SMYD3: variants seen among roughly 807,000 people sequenced by gnomAD.
The protein encoded by SMYD3 is histone-lysine N-methyltransferase SMYD3.
SMYD3 carries 36 observed loss-of-function variants against 57.7 expected under a neutral mutation model. The ratio of observed to expected loss-of-function variants is 0.62; its 90% CI spans 0.48 to 0.82. The LOEUF (loss-of-function observed/expected upper bound fraction) is 0.82. Ranked by LOEUF, SMYD3 falls within the 40% of genes least tolerant of loss-of-function variation. The pLI is 0.00. For synonymous variants in SMYD3, 211 were observed against 195.0 expected (o/e 1.08, Z -0.68); for missense variants, 515 against 538.8 (o/e 0.96, Z 0.44).
intron 5 of SMYD3, among the ~76,000 whole-genome samples, chr1:246,264,821 T>C (rs1005769095): frequency 6.6e-6 from 1 of 152,206 alleles, no homozygotes; most frequent in African/African-American, 2.4e-5. Flanking sequence ...GTGGGGATAG[T>C]GACAACAATA....
intron 5 of SMYD3, among the ~76,000 whole-genome samples, chr1:245,945,554 G>T (rs2057403529): frequency 6.6e-6 from 1 of 152,162 alleles, no homozygotes; most frequent in Non-Finnish European, 1.5e-5. Context: ...GTGCAAGAGT[G>T]TGGCAATTCC....
intron 5 of SMYD3, among the ~76,000 whole-genome samples, chr1:245,957,928 A>G (rs2147974795): frequency 6.6e-6 from 1 of 152,338 alleles, no homozygotes; most frequent in South Asian, 2.1e-4. Context: ...TTAAAAAATG[A>G]CAGAATTCTT....
chr1:245,806,541 G>A (rs1436053186), intron 10 of SMYD3, among the ~76,000 whole-genome samples: 2 of 152,154 alleles, frequency 1.3e-5, no homozygotes, highest in African/African-American at 4.8e-5. Flanking sequence ...TATATTGCAG[G>A]AACTTGGCCC....
chr1:245,970,122 G>A (rs574726534), intron 5 of SMYD3, among the ~76,000 whole-genome samples: 6 of 152,210 alleles, frequency 3.9e-5, no homozygotes, highest in Non-Finnish European at 7.4e-5. Context: ...ACGTATAGAC[G>A]AATGGAACAG....
At chr1:245,973,635 GAA>G (rs1553377205) in intron 5 of SMYD3, among the ~76,000 whole-genome samples, 1 of 152,214 alleles carries the variant, frequency 6.6e-6, no homozygotes, top group Non-Finnish European at 1.5e-5. Context: ...TTTTCTCAGC[GAA>G]AAGAGTTCTA....
intron 5 of SMYD3, among the ~76,000 whole-genome samples, chr1:246,032,813 C>A (rs1045215008): frequency 8.5e-5 from 13 of 152,142 alleles, no homozygotes; most frequent in Non-Finnish European, 1.8e-4. Flanking sequence ...TTAGCAGAGT[C>A]CTCACTGGAA....
rs112012738 is a variant in SMYD3 at position 245,806,916 on chromosome 1, C to CAAAAAAAAAAAA, written c.1077-42779_1077-42768dup. 8.7e-4 allele frequency among the ~76,000 whole-genome samples: 36 copies of CAAAAAAAAAAAA among 41,326 alleles called. 1 individual carries two copies. The highest frequency in any genetic ancestry group is 3.2e-3 in the East Asian group (3 of 946). 27.1% of individuals were successfully genotyped at this position (41,326 alleles called of 152,430 possible). ...TGGGCGACAGAGCGAGACTCCGTCT[C>CAAAAAAAAAAAA]AAAAAAAAAAAAAAAAAAAAAAAAA... On this transcript the variant is annotated intron_variant, in intron 10 of 11. Transcript: ENST00000490107.
chr1:245,788,754 A>T (rs2047149410), intron 10 of SMYD3: 1 of 152,156 alleles, frequency 6.6e-6, no homozygotes, highest in Admixed American at 6.6e-5. Flanking sequence ...CATGCCCACC[A>T]TCCCCACTCC....
At chr1:246,357,474 A>G (rs2065926262) in intron 1 of SMYD3, among the ~76,000 whole-genome samples, 1 of 152,196 alleles carries the variant, frequency 6.6e-6, no homozygotes, top group Non-Finnish European at 1.5e-5. Flanking sequence ...AGAAATAACC[A>G]TAAACATGGA....
At position 246,029,733 on chromosome 1, in the gene SMYD3, T is replaced by G. The variant is rs549416461; in HGVS notation, c.532-99796A>C. ...AAAATATGCAAATGGCCAGCAAATA[T>G]ATGAAAAAATGTTCAACATCACTAA... is the stretch of plus-strand genomic sequence containing the variant. On this transcript the variant is annotated intron_variant, in intron 5 of 11. Coordinates refer to ENST00000490107, the MANE Select transcript of SMYD3 (RefSeq NM_001167740.2). 2.8e-5 allele frequency among the ~76,000 whole-genome samples: 4 copies of G among 144,338 alleles called. No individual in the cohort carries two copies. In the South Asian group the frequency reaches 9.1e-4, roughly 33 times the overall value. The allele number at this position is 144,338 out of a possible 152,430, so 94.7% of individuals were successfully genotyped here. A position where few individuals can be genotyped will look rare whatever the true frequency, so the allele number is the denominator to read the frequency against.
intron 5 of SMYD3, among the ~76,000 whole-genome samples, chr1:246,043,746 C>T (rs7528961): frequency 1 from 152,370 of 152,384 alleles, 76,178 homozygotes; most frequent in Non-Finnish European, 1. Context: ...TCAAGCACAA[C>T]AGAAAGTAAT....
chr1:246,397,529 A>T (rs954548604), intron 1 of SMYD3, among the ~76,000 whole-genome samples: 1 of 152,210 alleles, frequency 6.6e-6, no homozygotes. Context: ...CCATCATGGA[A>T]AAAAACAAAT....
intron 1 of SMYD3, among the ~76,000 whole-genome samples, chr1:246,442,748 A>C (rs2067489131): frequency 6.6e-6 from 1 of 152,190 alleles, no homozygotes; most frequent in South Asian, 2.1e-4. Flanking sequence ...TTTATGAATA[A>C]GTGAAGCAGA....
chr1:245,762,898 G>A (rs1312215935), intron 11 of SMYD3, among the ~76,000 whole-genome samples: 2 of 152,172 alleles, frequency 1.3e-5, no homozygotes, highest in Non-Finnish European at 2.9e-5. Flanking sequence ...AGAGGGTCCT[G>A]TTAAAGTGTC....
chr1:246,055,900 T>C (rs1184613520), intron 5 of SMYD3, among the ~76,000 whole-genome samples: 3 of 152,182 alleles, frequency 2.0e-5, no homozygotes, highest in Non-Finnish European at 4.4e-5. Context: ...GTTTCAGTTC[T>C]GGATGATGAA....
chr1:246,085,593 T>C (rs1210481505), intron 5 of SMYD3, among the ~76,000 whole-genome samples: 1 of 152,078 alleles, frequency 6.6e-6, no homozygotes, highest in Non-Finnish European at 1.5e-5. Context: ...TTACTAAGCA[T>C]CCTCCAGTTT....
chr1:246,161,008 T>C (rs1188659797), intron 5 of SMYD3, among the ~76,000 whole-genome samples: 1 of 152,176 alleles, frequency 6.6e-6, no homozygotes, highest in East Asian at 1.9e-4. Context: ...AGGCTGGGAC[T>C]GTGAGACAAC....
At chr1:246,366,988 G>A (rs1039159542) in intron 1 of SMYD3, among the ~76,000 whole-genome samples, 6 of 149,746 alleles carry the variant, frequency 4.0e-5, no homozygotes, top group Admixed American at 2.0e-4. Flanking sequence ...CAACAAAGCC[G>A]TATTTTTTGG....
chr1:246,071,767 A>T (rs1322200168), intron 5 of SMYD3, among the ~76,000 whole-genome samples: 1 of 151,728 alleles, frequency 6.6e-6, no homozygotes, highest in East Asian at 2.0e-4. Context: ...CGCTGTGCTC[A>T]CTGTCGCTGC....
Sources: gnomAD v4.1 joint callset for allele counts (sites outside exome capture counted in the v4.1 genomes callset) on GRCh38, gnomAD v4.1.1 for gene constraint, MANE v1.5 for transcripts, NCBI Gene and HGNC (gene_info 2026-07-23, HGNC 2026-07-21) for gene names.